Variants in PAG1 observed in about 807,000 individuals in gnomAD.
PAG1 encodes phosphoprotein associated with glycosphingolipid-enriched microdomains 1.
PAG1 carries 23 observed loss-of-function variants against 31.7 expected under a neutral mutation model. The observed-to-expected ratio is 0.73, with a 90% CI of 0.52 to 1.03. The LOEUF (loss-of-function observed/expected upper bound fraction) is 1.03. Among genes scored for constraint, PAG1 ranks in the 50% least tolerant of loss-of-function variants. The pLI is 0.00. For missense variants in PAG1, 473 were observed against 540.7 expected (o/e 0.87, Z 1.24); for synonymous variants, 214 against 210.3 (o/e 1.02, Z -0.15).
chr8:81,048,168 C>T (rs562173281), intron 2 of PAG1, among the ~76,000 whole-genome samples: 43 of 152,294 alleles, frequency 2.8e-4, no homozygotes, highest in Middle Eastern at 3.4e-3. Context: ...TCTCCCCTGA[C>T]CACTTAGCTC....
intron 3 of PAG1, among the ~76,000 whole-genome samples, chr8:81,013,503 G>A (rs1375838805): frequency 6.6e-6 from 1 of 152,178 alleles, no homozygotes; most frequent in Non-Finnish European, 1.5e-5. Context: ...TCAGCTAGTT[G>A]GCCAAGGTCA....
At chr8:81,050,284 G>A (rs1271233580) in intron 2 of PAG1, among the ~76,000 whole-genome samples, 1 of 152,132 alleles carries the variant, frequency 6.6e-6, no homozygotes, top group African/African-American at 2.4e-5. Flanking sequence ...TTAAATGAAT[G>A]AGAATTTAAT....
At chr8:80,983,894 G>A (rs919486118) in intron 7 of PAG1, among the ~76,000 whole-genome samples, 9 of 152,300 alleles carry the variant, frequency 5.9e-5, no homozygotes, top group Non-Finnish European at 8.8e-5. Flanking sequence ...AAGTTGAAAT[G>A]CATTCAGAGA....
intron 2 of PAG1, among the ~76,000 whole-genome samples, chr8:81,055,055 G>A (rs1308489169): frequency 1.3e-5 from 2 of 150,994 alleles, no homozygotes; most frequent in Non-Finnish European, 2.9e-5. Context: ...ACTCATCACT[G>A]AATTAATTTC....
chr8:81,099,798 T>G (rs1407508672), intron 1 of PAG1, among the ~76,000 whole-genome samples: 1 of 152,202 alleles, frequency 6.6e-6, no homozygotes, highest in Non-Finnish European at 1.5e-5. Context: ...GTGGTGACAG[T>G]TCCCTAGCTC....
chr8:81,005,781 T>A (rs1217890676), intron 3 of PAG1, among the ~76,000 whole-genome samples: 1 of 152,148 alleles, frequency 6.6e-6, no homozygotes, highest in Non-Finnish European at 1.5e-5. Flanking sequence ...TAGGCTTCAC[T>A]TGCCGTCCTT....
chr8:81,027,039 C>A (rs1161833738), intron 3 of PAG1, among the ~76,000 whole-genome samples: 3 of 151,868 alleles, frequency 2.0e-5, no homozygotes, highest in Non-Finnish European at 4.4e-5. Context: ...GAGACAGGGT[C>A]TTGCTCTGTC....
chr8:81,038,392 C>T (rs1414238143), intron 2 of PAG1, among the ~76,000 whole-genome samples: 2 of 152,168 alleles, frequency 1.3e-5, no homozygotes, highest in African/African-American at 4.8e-5. Context: ...GCAAAACTGG[C>T]TGGGCTGTTT....
chr8:81,067,139 C>A (rs1317901971), intron 2 of PAG1, among the ~76,000 whole-genome samples: 2 of 152,008 alleles, frequency 1.3e-5, no homozygotes, highest in East Asian at 1.9e-4. Flanking sequence ...AAAGTGAGAC[C>A]CTGTCTCTAA....
intron 3 of PAG1, among the ~76,000 whole-genome samples, chr8:81,023,751 C>G (rs907749273): frequency 6.6e-6 from 1 of 151,780 alleles, no homozygotes; most frequent in African/African-American, 2.4e-5. Flanking sequence ...TATAAATGTC[C>G]TAATAGACTA....
chr8:81,079,582 C>T (rs943884840), intron 1 of PAG1, among the ~76,000 whole-genome samples: 6 of 152,008 alleles, frequency 3.9e-5, no homozygotes, highest in Non-Finnish European at 5.9e-5. Flanking sequence ...CTATTTCAGA[C>T]TGAGCATATG....
chr8:81,021,092 C>T (rs1279689856), intron 3 of PAG1, among the ~76,000 whole-genome samples: 1 of 152,264 alleles, frequency 6.6e-6, no homozygotes, highest in Non-Finnish European at 1.5e-5. Context: ...GAAGTGTGTT[C>T]AAGCCCTACA....
rs1807105929 is a variant in PAG1 at position 80,972,876 on chromosome 8, G to A, written c.*3668C>T. The A allele has an allele frequency of 6.6e-6, 1 of 151,568 alleles. No individual in the cohort carries two copies. Among genetic ancestry groups the A allele is most frequent in the Admixed American group, 6.6e-5 (1 of 15,220 alleles). The allele number at this position is 151,568 out of a possible 1,614,324, so 9.4% of individuals were successfully genotyped here. Reference sequence around the variant, plus strand: ...GGATAAACATTCAAAATACATAATAGAACATATCCTAATTAAGCACCAGAG... The same window carrying A: ...GGATAAACATTCAAAATACATAATAAAACATATCCTAATTAAGCACCAGAG... On this transcript the variant is annotated 3_prime_UTR_variant, in exon 9 of 9. Coordinates refer to ENST00000220597, the MANE Select transcript of PAG1 (RefSeq NM_018440.4).
rs1308378957 is a variant in PAG1 at position 80,969,314 on chromosome 8, C to T, written c.*7230G>A. On this transcript the variant is annotated 3_prime_UTR_variant, in exon 9 of 9. Coordinates refer to ENST00000220597, the MANE Select transcript of PAG1 (RefSeq NM_018440.4). Reference sequence around the variant, plus strand: ...ATTTATGAGTCTTATATTAAAAATACATAGAAGCTTGTCAAAGGAATGCTC... The same window carrying T: ...ATTTATGAGTCTTATATTAAAAATATATAGAAGCTTGTCAAAGGAATGCTC... 1 of 152,118 alleles carries T rather than the reference C, an allele frequency of 6.6e-6. No homozygotes were observed. The highest frequency in any genetic ancestry group is 1.5e-5 in the Non-Finnish European group (1 of 68,014). The allele number at this position is 152,118 out of a possible 1,614,324, so 9.4% of individuals were successfully genotyped here.
intron 8 of PAG1, among the ~76,000 whole-genome samples, chr8:80,977,994 TTTCCTGCTTCCA>T (rs1807218526): frequency 6.6e-6 from 1 of 152,182 alleles, no homozygotes; most frequent in African/African-American, 2.4e-5. Context: ...TGAGGGACAT[TTTCCTGCTTCCA>T]CTTTTCTCAC....
chr8:81,083,419 C>G (rs2131025336), intron 1 of PAG1, among the ~76,000 whole-genome samples: 1 of 152,150 alleles, frequency 6.6e-6, no homozygotes, highest in East Asian at 1.9e-4. Context: ...GAAATAAAAG[C>G]CTTGGCTCCC....
chr8:81,060,594 T>C (rs1214208636), intron 2 of PAG1, among the ~76,000 whole-genome samples: 1 of 152,244 alleles, frequency 6.6e-6, no homozygotes, highest in Non-Finnish European at 1.5e-5. Flanking sequence ...TTATGGCATG[T>C]ACAAAAGGCT....
chr8:80,986,141 G>T lies in PAG1; in HGVS notation c.275-764C>A, dbSNP rs80096895. Among the ~76,000 whole-genome samples the T allele has an allele frequency of 6.2e-3, 944 of 152,268 alleles. 11 individuals are homozygous for T. Among genetic ancestry groups the T allele is most frequent in the African/African-American group, 0.022 (896 of 41,546 alleles). Reference sequence around the variant, plus strand: ...CCCTTAGGATGCAGACACAAAGTAAGCAAGTTATTCCATTAGTGTCTCACT... The same window carrying T: ...CCCTTAGGATGCAGACACAAAGTAATCAAGTTATTCCATTAGTGTCTCACT... On this transcript the variant is annotated intron_variant, in intron 6 of 8. Transcript: ENST00000220597.
chr8:81,072,934 G>A (rs1450392569), intron 1 of PAG1, among the ~76,000 whole-genome samples: 2 of 152,182 alleles, frequency 1.3e-5, no homozygotes, highest in Non-Finnish European at 2.9e-5. Flanking sequence ...AACCTTGAGA[G>A]ACAATGATTT....
Sources: allele counts gnomAD v4.1 joint callset (sites outside exome capture counted in the v4.1 genomes callset), GRCh38; gene constraint gnomAD v4.1.1; transcripts MANE v1.5; gene names NCBI Gene and HGNC (gene_info 2026-07-23, HGNC 2026-07-21).